Variants in NR4A1 observed in about 807,000 individuals in gnomAD.
NR4A1 encodes nuclear receptor subfamily 4immunitygroup A member 1.
In NR4A1, 24 loss-of-function variants were observed where a neutral mutation model predicts 47.5. That is an observed-to-expected ratio of 0.50 (90% confidence interval 0.37 to 0.71). The LOEUF is 0.71. Among genes scored for constraint, NR4A1 ranks in the 30% least tolerant of loss-of-function variants. The pLI is 0.00. For synonymous variants in NR4A1, 353 were observed against 345.7 expected, an observed-to-expected ratio of 1.02 and a Z score of -0.24; for missense variants, 669 against 788.6, an observed-to-expected ratio of 0.85 and a Z score of 1.82.
At chr12:52,042,592 AT>A (rs983037969) in intron 2 of NR4A1, among the ~76,000 whole-genome samples, 2 of 152,126 alleles carry the variant, frequency 1.3e-5, no homozygotes, top group African/African-American at 4.8e-5. Flanking sequence ...TGCAGTGAGG[AT>A]GTGTAGAGCC....
intron 1 of NR4A1, chr12:52,038,830 A>C (rs575534321): frequency 1.4e-6 from 1 of 729,120 alleles, no homozygotes; most frequent in African/African-American, 1.7e-5. Flanking sequence ...TGCTGGACTT[A>C]AGAAAGTCAG....
At chr12:52,047,295 G>A (rs1021156416), upstream of NR4A1, among the ~76,000 whole-genome samples, 2 of 152,182 alleles carry the variant, frequency 1.3e-5, no homozygotes, top group South Asian at 2.1e-4. Context: ...CAAAGTCCAC[G>A]TCAATTGTGC....
intron 2 of NR4A1, among the ~76,000 whole-genome samples, chr12:52,042,176 G>C (rs1565643706): frequency 6.6e-6 from 1 of 152,118 alleles, no homozygotes. Flanking sequence ...TCTGGGCCTA[G>C]GTGACACGGG....
rs1050354102 is a variant in NR4A1 at position 52,043,911 on chromosome 12, G to A, written c.37+1982G>A. 3.1e-6 allele frequency: 4 copies of A among 1,289,136 alleles called. No homozygotes were observed. The East Asian group carries it at 1.7e-4, about 54-fold the overall frequency. 79.9% of individuals were successfully genotyped at this position (1,289,136 alleles called of 1,614,324 possible). ...CAAAGCAGATCGTGAGGAGGAAGCT[G>A]GTGAGTCTTGGGACAGGGACATTGA... On this transcript the variant is annotated intron_variant, in intron 2 of 7. Transcript: ENST00000360284.
Position 52,055,208 on chromosome 12 carries a change from C to T in NR4A1, c.876+4C>T. The T allele has an allele frequency of 6.2e-7, 1 of 1,611,152 alleles. No individual in the cohort carries two copies. Among genetic ancestry groups the T allele is most frequent in the Non-Finnish European group, 8.5e-7 (1 of 1,179,998 alleles). On this transcript the variant is annotated splice_donor_region_variant and intron_variant, in intron 2 of 6. Transcript: ENST00000394825. ...GGGCTGCAAGGGCTTCTTCAAGGTA[C>T]CGCGCAGCCCCAGGTGGGGCCTTTT...
At chr12:52,045,428 G>A (rs1277547829) in intron 2 of NR4A1, 1 of 420,474 alleles carries the variant, frequency 2.4e-6, no homozygotes, top group African/African-American at 2.0e-5. Flanking sequence ...ACTTCCCTGT[G>A]CCCTGGAGGT....
chr12:52,049,488 G>A (rs1049572626), upstream of NR4A1, among the ~76,000 whole-genome samples: 1 of 152,188 alleles, frequency 6.6e-6, no homozygotes. Context: ...CATGGGCTGT[G>A]GCTGGCAGTA....
chr12:52,025,681 C>T (rs1937986841), intron 1 of NR4A1, among the ~76,000 whole-genome samples: 1 of 152,230 alleles, frequency 6.6e-6, no homozygotes, highest in South Asian at 2.1e-4. Context: ...AAGACACCTC[C>T]ATGAAAGGCC....
chr12:52,036,877 C>A (rs2603762), intron 1 of NR4A1, among the ~76,000 whole-genome samples: 43,451 of 152,128 alleles, frequency 0.29, 10,246 homozygotes, highest in African/African-American at 0.66. Context: ...GGCTAAGTTT[C>A]TTTATAACCT....
At chr12:52,030,913 C>A (rs777841552) in intron 1 of NR4A1, among the ~76,000 whole-genome samples, 136 of 152,314 alleles carry the variant, frequency 8.9e-4, no homozygotes, top group Non-Finnish European at 1.1e-3. Flanking sequence ...TGGCCTCCAG[C>A]CACTTGCCTT....
At chr12:52,041,910 C>G in exon 2 of NR4A1, 5 of 1,498,746 alleles carry the variant, frequency 3.3e-6, no homozygotes, top group Non-Finnish European at 4.4e-6. Flanking sequence ...TGGCCAAGGC[C>G]TGTTGGTCCA....
rs764411970 is a variant in NR4A1, at chr12:52,054,487, C to T, written c.159C>T (p.Phe53=). ...CTGCCCCCACTGCCCTGCCCAGCTT[C>T]AGCACCTTCATGGACGGCTACACAG... is the stretch of plus-strand genomic sequence containing the variant. ...APAAPTALPS[F]STFMDGYTGE... Residue 53 remains phenylalanine, a synonymous_variant, in exon 2 of 7, where the codon TTC becomes TTT. Transcript: ENST00000394825. The T allele has an allele frequency of 1.9e-6, 3 of 1,613,920 alleles. No homozygotes were observed. Among genetic ancestry groups the T allele is most frequent in the Admixed American group, 1.7e-5 (1 of 60,030 alleles).
rs890462514 is a variant in NR4A1, at chr12:52,042,033, A to G, written c.37+104A>G. 1.3e-5 allele frequency: 15 copies of G among 1,153,880 alleles called. No individual in the cohort carries two copies. The African/African-American group carries it at 1.8e-4, about 14-fold the overall frequency. 71.5% of individuals were successfully genotyped at this position (1,153,880 alleles called of 1,614,324 possible). A position where few individuals can be genotyped will look rare whatever the true frequency, so the allele number is the denominator to read the frequency against. ...AAAGCGGATGTGGTTAGGGGGATGGAGGGGAAGCCCTGGGGAGGTGGCAGC... is the reference window on the plus strand; with the variant it reads ...AAAGCGGATGTGGTTAGGGGGATGGGGGGGAAGCCCTGGGGAGGTGGCAGC... On this transcript the variant is annotated intron_variant, in intron 2 of 7. Transcript: ENST00000360284.
Position 52,043,398 on chromosome 12 carries a change from C to T in NR4A1, c.37+1469C>T, listed in dbSNP as rs541875435. On this transcript the variant is annotated intron_variant, in intron 2 of 7. Coordinates refer to the NR4A1 transcript ENST00000360284. The stretch of plus-strand genomic sequence containing the variant: ...TGGGCAGAATTCCTTGTGTTTACCT[C>T]GTTGTCTGGGTGATGGTGGTGATTG... 80 of 205,544 alleles carry T rather than the reference C, an allele frequency of 3.9e-4. 2 individuals are homozygous for T. The South Asian group carries it at 5.5e-3, about 14-fold the overall frequency. The allele number at this position is 205,544 out of a possible 1,614,324, so 12.7% of individuals were successfully genotyped here.
upstream of NR4A1, among the ~76,000 whole-genome samples, chr12:52,049,781 C>T (rs1938829968): frequency 6.6e-6 from 1 of 152,140 alleles, no homozygotes; most frequent in Admixed American, 6.5e-5. Context: ...GATTAGGTGG[C>T]AGGCAGGGGG....
chr12:52,054,275 G>T, intron 1 of NR4A1, 52 bp from the exon 2 acceptor site: 1 of 1,488,806 alleles, frequency 6.7e-7, no homozygotes, highest in East Asian at 2.3e-5. Context: ...CAAGGCTATA[G>T]GCTTGTCCCA....
At chr12:52,044,376 G>A (rs1189937396) in intron 2 of NR4A1, among the ~76,000 whole-genome samples, 6 of 152,178 alleles carry the variant, frequency 3.9e-5, no homozygotes, top group African/African-American at 1.2e-4. Flanking sequence ...GCCCTTGCCC[G>A]GCCTCCCAGC....
In NR4A1 at chr12:52,056,450, TC is replaced by T. The variant is rs1314573573; in HGVS notation, c.1007-42del. 3 of 1,597,134 alleles carry T rather than the reference TC, an allele frequency of 1.9e-6. No individual in the cohort carries two copies. In the East Asian group the frequency reaches 6.8e-5, roughly 36 times the overall value. The stretch of plus-strand genomic sequence containing the variant: ...TGCACGGCTTGGGCTGAGAGGCCCT[TC>T]CTCAGATCCCTTCCTTCCTCACCCC... On this transcript the variant is annotated intron_variant, in intron 3 of 6. Transcript: ENST00000394825.
At chr12:52,053,069 G>A (rs1423999268) in intron 1 of NR4A1, among the ~76,000 whole-genome samples, 8 of 152,158 alleles carry the variant, frequency 5.3e-5, no homozygotes, top group Non-Finnish European at 1.2e-4. Flanking sequence ...TGCACCCCTT[G>A]ATTATGGTAC....
Sources: gnomAD v4.1 joint callset for allele counts (sites outside exome capture counted in the v4.1 genomes callset) on GRCh38, gnomAD v4.1.1 for gene constraint, MANE v1.5 for transcripts, NCBI Gene and HGNC (gene_info 2026-07-23, HGNC 2026-07-21) for gene names.